Variants in PCDH15 observed in about 807,000 individuals in gnomAD.
The protein encoded by PCDH15 is protocadherin-15.
A neutral mutation model predicts 178.5 loss-of-function variants in PCDH15; 129 were observed. That is an observed-to-expected ratio of 0.72 (90% CI 0.63 to 0.84). PCDH15 has a LOEUF of 0.84. PCDH15 is among the 40% of genes least tolerant of loss of function. The pLI is 0.00. For missense variants in PCDH15, 2,230 were observed against 2,099.9 expected, an observed-to-expected ratio of 1.06 and a Z score of -1.21; for synonymous variants, 800 against 732.0, an observed-to-expected ratio of 1.09 and a Z score of -1.50.
intron 18 of PCDH15, among the ~76,000 whole-genome samples, chr10:54,037,807 T>C (rs1396888678): frequency 1.3e-5 from 2 of 152,002 alleles, no homozygotes; most frequent in Non-Finnish European, 2.9e-5. Flanking sequence ...GTTATTGACT[T>C]ATTTCAAACT....
Position 53,877,934 on chromosome 10 carries a change from G to A in PCDH15, c.3502-11077C>T, listed in dbSNP as rs1255656031. ...CTCTAGCGATAGCTTAAAAATTACTGATAGCTCCCACTTGCCAGAGATGAA... is the reference window on the plus strand; with the variant it reads ...CTCTAGCGATAGCTTAAAAATTACTAATAGCTCCCACTTGCCAGAGATGAA... On this transcript the variant is annotated intron_variant, in intron 26 of 37. Transcript: ENST00000644397. Among the ~76,000 whole-genome samples, 12 of 151,892 alleles carry A rather than the reference G, an allele frequency of 7.9e-5. 1 individual carries two copies. The highest frequency in any genetic ancestry group is 1.5e-5 in the Non-Finnish European group (1 of 67,992).
intron 2 of PCDH15, among the ~76,000 whole-genome samples, chr10:54,553,060 T>C (rs1286928914): frequency 6.6e-6 from 1 of 152,182 alleles, no homozygotes; most frequent in Admixed American, 6.5e-5. Flanking sequence ...TTACACAACT[T>C]GAGACCAGAC....
intron 2 of PCDH15, among the ~76,000 whole-genome samples, chr10:55,391,594 C>A (rs1011593178): frequency 6.6e-6 from 1 of 152,056 alleles, no homozygotes; most frequent in African/African-American, 2.4e-5. Flanking sequence ...TCAAGTGATT[C>A]TCTTGCCTCA....
At chr10:53,821,127 A>G (rs2076247106) in intron 32 of PCDH15, 17 of 979,124 alleles carry the variant, frequency 1.7e-5, no homozygotes, top group Non-Finnish European at 2.1e-5. Flanking sequence ...TTTTCATTAT[A>G]AAGAAGGGAA....
intron 2 of PCDH15, among the ~76,000 whole-genome samples, chr10:54,658,055 G>A (rs1384126260): frequency 6.6e-6 from 1 of 152,020 alleles, no homozygotes; most frequent in Non-Finnish European, 1.5e-5. Context: ...CAGAAGCCTG[G>A]TTTTTTTGAA....
chr10:54,916,303 C>A (rs1217611895), intron 2 of PCDH15, among the ~76,000 whole-genome samples: 1 of 152,124 alleles, frequency 6.6e-6, no homozygotes, highest in Non-Finnish European at 1.5e-5. Flanking sequence ...TGTTGTCTCC[C>A]CAAGGTGCAT....
intron 2 of PCDH15, among the ~76,000 whole-genome samples, chr10:54,532,781 T>G (rs2084064820): frequency 6.6e-6 from 1 of 152,044 alleles, no homozygotes; most frequent in Admixed American, 6.6e-5. Flanking sequence ...AAACAACTAA[T>G]TCCAGGCCTG....
At chr10:53,824,657 C>G (rs979334353) in intron 32 of PCDH15, among the ~76,000 whole-genome samples, 35 of 152,058 alleles carry the variant, frequency 2.3e-4, no homozygotes, top group Non-Finnish European at 2.9e-4. Flanking sequence ...CTCTTCGAAT[C>G]TTGAAAAGTA....
intron 2 of PCDH15, among the ~76,000 whole-genome samples, chr10:55,129,749 G>A (rs1034971301): frequency 5.9e-5 from 9 of 151,828 alleles, no homozygotes; most frequent in Admixed American, 1.3e-4. Context: ...ATACTTATTC[G>A]TTGATTTACC....
At chr10:54,395,449 C>CA (rs1409875112) in intron 3 of PCDH15, among the ~76,000 whole-genome samples, 66 of 151,142 alleles carry the variant, frequency 4.4e-4, no homozygotes, top group Admixed American at 2.5e-3. Context: ...CACACACACA[C>CA]CCACATTAAG....
chr10:55,365,270 C>A (rs1039356661), intron 2 of PCDH15, among the ~76,000 whole-genome samples: 1 of 152,110 alleles, frequency 6.6e-6, no homozygotes, highest in Non-Finnish European at 1.5e-5. Flanking sequence ...GTTTAACCAG[C>A]AGTTTGCAGC....
At chr10:54,660,592 C>T (rs1396470412) in intron 2 of PCDH15, among the ~76,000 whole-genome samples, 2 of 152,044 alleles carry the variant, frequency 1.3e-5, no homozygotes, top group Admixed American at 6.6e-5. Context: ...AGGAATGACT[C>T]CTCTCTAACT....
intron 1 of PCDH15, among the ~76,000 whole-genome samples, chr10:55,192,882 T>C (rs66691243): frequency 0.14 from 21,921 of 151,260 alleles, 1,702 homozygotes; most frequent in East Asian, 0.26. Flanking sequence ...TGTATATACA[T>C]ATATAATCTG....
rs181992659 is a variant in PCDH15, at chr10:55,094,340, C to T, written c.-80+72236G>A. The stretch of plus-strand genomic sequence containing the variant: ...CTCACTCATAGGTGGGAATTGAACA[C>T]TGAGAACACTTGGACACAGGGTGGG... On this transcript the variant is annotated intron_variant, in intron 2 of 5. Transcript: ENST00000458638. Among the ~76,000 whole-genome samples the T allele has an allele frequency of 3.8e-3, 578 of 151,720 alleles. 2 individuals carry two copies. Among genetic ancestry groups the T allele is most frequent in the Middle Eastern group, 0.014 (4 of 294 alleles).
chr10:55,220,713 C>A (rs1310839209), intron 1 of PCDH15, among the ~76,000 whole-genome samples: 1 of 151,950 alleles, frequency 6.6e-6, no homozygotes, highest in African/African-American at 2.4e-5. Flanking sequence ...GGGGCATGAT[C>A]ATATACACAA....
intron 3 of PCDH15, among the ~76,000 whole-genome samples, chr10:54,879,680 A>G (rs11592449): frequency 0.23 from 34,083 of 150,922 alleles, 4,535 homozygotes; most frequent in Non-Finnish European, 0.31. Context: ...TTTAATGTAT[A>G]TTAAATATAT....
At chr10:55,513,571 T>A (rs1840941055) in intron 2 of PCDH15, among the ~76,000 whole-genome samples, 1 of 152,132 alleles carries the variant, frequency 6.6e-6, no homozygotes, top group African/African-American at 2.4e-5. Flanking sequence ...TGTACATAAG[T>A]TATTTAATAT....
At chr10:54,229,838 C>A in intron 9 of PCDH15, among the ~76,000 whole-genome samples, 1 of 152,142 alleles carries the variant, frequency 6.6e-6, no homozygotes, top group East Asian at 1.9e-4. Context: ...CACACACAAT[C>A]TTGCCTAAAG....
intron 2 of PCDH15, among the ~76,000 whole-genome samples, chr10:54,662,202 A>G (rs993225332): frequency 6.6e-6 from 1 of 151,916 alleles, no homozygotes; most frequent in Admixed American, 6.6e-5. Context: ...CAAATCAACA[A>G]GAACAAAACA....
Sources: gnomAD v4.1 joint callset for allele counts (sites outside exome capture counted in the v4.1 genomes callset) on GRCh38, gnomAD v4.1.1 for gene constraint, MANE v1.5 for transcripts, NCBI Gene and HGNC (gene_info 2026-07-23, HGNC 2026-07-21) for gene names.